The following MPPED2 variants were observed in gnomAD, a reference collection of about 807,000 sequenced individuals.
The protein encoded by MPPED2 is metallophosphoesterase MPPED2.
Under a neutral mutation model 33.0 loss-of-function variants are expected in MPPED2, and 5 were observed. The ratio of observed to expected loss-of-function variants is 0.15; its 90% CI spans 0.08 to 0.32. The LOEUF (loss-of-function observed/expected upper bound fraction) is 0.32. Ranked by LOEUF, MPPED2 falls within the 10% of genes least tolerant of loss-of-function variation. The pLI, the probability that MPPED2 is intolerant of heterozygous loss-of-function variation, is 1.00. For synonymous variants in MPPED2, 136 were observed against 141.9 expected (o/e 0.96, Z 0.29); for missense variants, 275 against 372.1 (o/e 0.74, Z 2.15).
chr11:30,405,136 TAA>T (rs1021239510), intron 6 of MPPED2, among the ~76,000 whole-genome samples: 1 of 152,218 alleles, frequency 6.6e-6, no homozygotes. Context: ...AGTTGCTACC[TAA>T]ACATGATAGC....
chr11:30,438,036 T>C (rs1231519306), intron 4 of MPPED2, among the ~76,000 whole-genome samples: 3 of 152,160 alleles, frequency 2.0e-5, no homozygotes. Flanking sequence ...ATAGTAGTTC[T>C]TCCACTTCAA....
At chr11:30,442,456 C>A (rs1313452679) in intron 4 of MPPED2, among the ~76,000 whole-genome samples, 1 of 152,174 alleles carries the variant, frequency 6.6e-6, no homozygotes, top group Non-Finnish European at 1.5e-5. Flanking sequence ...CTTTCCAGAT[C>A]CAACCATATC....
intron 3 of MPPED2, among the ~76,000 whole-genome samples, chr11:30,496,676 T>C (rs1952269905): frequency 8.9e-6 from 1 of 112,604 alleles, no homozygotes; most frequent in Admixed American, 1.5e-4. Context: ...ATGATTTCAT[T>C]AAGGAAACTT....
chr11:30,535,606 A>G (rs991124317), intron 3 of MPPED2, among the ~76,000 whole-genome samples: 1 of 152,128 alleles, frequency 6.6e-6, no homozygotes, highest in Non-Finnish European at 1.5e-5. Context: ...ATGTTCTCTT[A>G]CTAGTAGGTC....
At position 30,531,429 on chromosome 11, in the gene MPPED2, G is replaced by A. The variant is rs904925452; in HGVS notation, c.310+4565C>T. On this transcript the variant is annotated intron_variant, in intron 3 of 6. Transcript: ENST00000358117. ...ACTCCCTCCAGCTGTCTGATATAGG[G>A]ATTCAAAGTTTCATTCCCCAATCCA... Among the ~76,000 whole-genome samples, 6 of 152,306 alleles carry A rather than the reference G, an allele frequency of 3.9e-5. No homozygotes were observed. In the East Asian group the frequency reaches 9.7e-4, roughly 25 times the overall value.
chr11:30,562,554 C>T (rs534790470), intron 2 of MPPED2, among the ~76,000 whole-genome samples: 3 of 152,228 alleles, frequency 2.0e-5, no homozygotes, highest in Admixed American at 1.3e-4. Flanking sequence ...AAGGCAGACG[C>T]CCAAAAAATC....
chr11:30,519,789 C>T (rs1953749935), intron 3 of MPPED2, among the ~76,000 whole-genome samples: 1 of 152,098 alleles, frequency 6.6e-6, no homozygotes, highest in Non-Finnish European at 1.5e-5. Context: ...CTACCATCAC[C>T]ATCACCACCA....
At chr11:30,480,096 C>G (rs1010650539) in intron 4 of MPPED2, among the ~76,000 whole-genome samples, 2 of 152,048 alleles carry the variant, frequency 1.3e-5, no homozygotes, top group South Asian at 4.1e-4. Flanking sequence ...AAAGGTCAGG[C>G]TGGACAAAAC....
chr11:30,543,801 TTTTTTTTTTTTTTTTTA>T (rs1159264476), intron 2 of MPPED2, among the ~76,000 whole-genome samples: 1 of 135,242 alleles, frequency 7.4e-6, no homozygotes, highest in Admixed American at 7.3e-5. Flanking sequence ...TCTTTTTTTT[TTTTTTTTTTTTTTTTTA>T]AACTAGGAGC....
intron 3 of MPPED2, among the ~76,000 whole-genome samples, chr11:30,513,444 A>G (rs928913249): frequency 6.6e-6 from 1 of 152,224 alleles, no homozygotes; most frequent in Non-Finnish European, 1.5e-5. Flanking sequence ...TTCGTGGCCA[A>G]TTGATGGTGA....
chr11:30,580,349 C>T lies in MPPED2; in HGVS notation c.25G>A (p.Gly9Ser), dbSNP rs1166184651. The T allele has an allele frequency of 6.2e-7, 1 of 1,614,048 alleles. No individual in the cohort carries two copies. The change falls in exon 2 of 7, where the codon GGC becomes AGC. Residue 9 changes from glycine (G) to serine (S), a missense_variant. Physicochemically the swap from Gly to Ser is moderately conservative, Grantham distance 56. Transcript: ENST00000358117. MAHGIPSQ[G>S]KVTITVDEYS... ...TCATCCACCGTTATGGTAACTTTGC[C>T]TTGAGAAGGAATCCCATGTGCCATC...
At chr11:30,474,087 A>C (rs566458881) in intron 4 of MPPED2, among the ~76,000 whole-genome samples, 1 of 152,352 alleles carries the variant, frequency 6.6e-6, no homozygotes, top group Admixed American at 6.5e-5. Context: ...AAGAAGCTGC[A>C]TTTTGTGGTG....
At chr11:30,459,440 C>T in intron 4 of MPPED2, among the ~76,000 whole-genome samples, 1 of 142,992 alleles carries the variant, frequency 7.0e-6, no homozygotes, top group South Asian at 2.2e-4. Context: ...CCACAAACAT[C>T]CCAGCCTAGA....
rs1954452168 is a variant in MPPED2 at position 30,530,378 on chromosome 11, G to C, written c.310+5616C>G. 2.6e-5 allele frequency among the ~76,000 whole-genome samples: 4 copies of C among 152,260 alleles called. 1 individual carries two copies. In the South Asian group the frequency reaches 8.3e-4, roughly 32 times the overall value. ...ATTTGTGTACACCAACAATGTTCCAGGCCCTATACTCAGAACCAGGCATAC... is the reference window on the plus strand; with the variant it reads ...ATTTGTGTACACCAACAATGTTCCACGCCCTATACTCAGAACCAGGCATAC... On this transcript the variant is annotated intron_variant, in intron 3 of 6. Coordinates refer to ENST00000358117, the MANE Select transcript of MPPED2 (RefSeq NM_001584.3).
chr11:30,399,456 T>C (rs1417098337), intron 6 of MPPED2, among the ~76,000 whole-genome samples: 1 of 152,226 alleles, frequency 6.6e-6, no homozygotes, highest in Admixed American at 6.5e-5. Context: ...ATCCTTTAAA[T>C]TGGTATTTTA....
intron 1 of MPPED2, among the ~76,000 whole-genome samples, chr11:30,585,210 G>A (rs1286536628): frequency 1.3e-5 from 2 of 152,114 alleles, no homozygotes; most frequent in Non-Finnish European, 2.9e-5. Flanking sequence ...GAAGAAATCC[G>A]GCGGCAACGG....
chr11:30,512,061 G>C (rs2134312024), intron 3 of MPPED2, among the ~76,000 whole-genome samples: 1 of 152,248 alleles, frequency 6.6e-6, no homozygotes. Context: ...ATTGGACTCT[G>C]GGGAGTTGAG....
At chr11:30,455,587 G>A (rs945931156) in intron 4 of MPPED2, among the ~76,000 whole-genome samples, 2 of 152,124 alleles carry the variant, frequency 1.3e-5, no homozygotes, top group Non-Finnish European at 2.9e-5. Context: ...TTACTCCAGC[G>A]CCCTTTGTTT....
chr11:30,563,389 A>G (rs1413066600), intron 2 of MPPED2, among the ~76,000 whole-genome samples: 4 of 152,214 alleles, frequency 2.6e-5, no homozygotes, highest in Non-Finnish European at 5.9e-5. Context: ...GGCTCCTATC[A>G]GAATCTAATG....
Sources: allele counts gnomAD v4.1 joint callset (sites outside exome capture counted in the v4.1 genomes callset), GRCh38; gene constraint gnomAD v4.1.1; transcripts MANE v1.5; gene names NCBI Gene and HGNC (gene_info 2026-07-23, HGNC 2026-07-21).